Variants in AGXT observed in about 807,000 individuals in gnomAD.
AGXT encodes alanine--glyoxylate aminotransferase.
AGXT carries 41 observed loss-of-function variants against 46.9 expected under a neutral mutation model. The observed-to-expected ratio is 0.88, with a 90% CI of 0.68 to 1.14. The LOEUF is 1.14. AGXT is among the 50% of genes most tolerant of loss of function. The pLI is 0.00. For synonymous variants in AGXT, 244 were observed against 227.9 expected (o/e 1.07, Z -0.64); for missense variants, 525 against 522.7 (o/e 1.00, Z -0.04).
At chr2:240,869,402 C>T (rs755578184) in intron 2 of AGXT, 40 bp downstream of exon 2, 1 of 1,509,246 alleles carries the variant, frequency 6.6e-7, no homozygotes, top group Non-Finnish European at 8.9e-7. Context: ...CTGGATCCAT[C>T]CTTCAAGGCC....
chr2:240,871,523 C>A (rs1035634115), intron 4 of AGXT, 74 bp downstream of exon 4: 3 of 1,376,496 alleles, frequency 2.2e-6, no homozygotes, highest in African/African-American at 2.9e-5. Context: ...GGCACTGGTC[C>A]CTCTGGTCCT....
chr2:240,875,456 C>G (rs565927812), intron 7 of AGXT, among the ~76,000 whole-genome samples: 26 of 152,362 alleles, frequency 1.7e-4, no homozygotes, highest in Non-Finnish European at 3.2e-4. Flanking sequence ...ACTGTCCCCC[C>G]AGAGGTCCCA....
chr2:240,872,449 CAGG>C (rs1313097062), intron 4 of AGXT, among the ~76,000 whole-genome samples: 32 of 50,028 alleles, frequency 6.4e-4, no homozygotes, highest in African/African-American at 1.3e-3. Context: ...CGTGAACATG[CAGG>C]AGGAGGAGGG....
chr2:240,876,130 G>T (rs538272310), intron 8 of AGXT, 126 bp downstream of exon 8: 2 of 1,163,768 alleles, frequency 1.7e-6, no homozygotes, highest in Non-Finnish European at 2.5e-6. Context: ...GAGGCCCTCA[G>T]TGGGGGTGGG....
rs201989825 is a variant in AGXT, at chr2:240,869,042, G to T, written c.165+12G>T. On this transcript the variant is annotated intron_variant, in intron 1 of 10. Transcript: ENST00000307503. Reference sequence around the variant, plus strand: ...AGGATATGTACCAGGTAGGAGTGGGGGTCACTCGGGGGGCCTGGGTCTCAC... The same window carrying T: ...AGGATATGTACCAGGTAGGAGTGGGTGTCACTCGGGGGGCCTGGGTCTCAC... The T allele has an allele frequency of 1.6e-6, 2 of 1,250,712 alleles. No individual in the cohort carries two copies. Among genetic ancestry groups the T allele is most frequent in the African/African-American group, 1.7e-5 (1 of 58,986 alleles). 77.5% of individuals were successfully genotyped at this position (1,250,712 alleles called of 1,614,324 possible).
chr2:240,870,114 C>T (rs2058983609), intron 2 of AGXT, among the ~76,000 whole-genome samples: 1 of 152,164 alleles, frequency 6.6e-6, no homozygotes, highest in African/African-American at 2.4e-5. Context: ...GCAGGTTCTT[C>T]CCCTCCCACA....
In AGXT at chr2:240,875,980, G is replaced by C. The variant is rs146525143; in HGVS notation, c.822G>C (p.Glu274Asp). 4.8e-5 allele frequency: 77 copies of C among 1,614,074 alleles called. No homozygotes were observed. The highest frequency in any genetic ancestry group is 5.8e-5 in the Non-Finnish European group (69 of 1,180,040). Reference sequence around the variant, plus strand: ...TCATCAGCCTGTACAGCCTGAGAGAGAGCCTGGCCCTCATTGCGGAACAGG... The same window carrying C: ...TCATCAGCCTGTACAGCCTGAGAGACAGCCTGGCCCTCATTGCGGAACAGG... ...IPVISLYSLR[E>D]SLALIAEQGL... The change falls in exon 8 of 11, where the codon GAG (glutamate) becomes GAC (aspartate). Residue 274 changes from glutamate to aspartate, a missense_variant. Physicochemically the swap from Glu to Asp is conservative, Grantham distance 45. Transcript: ENST00000307503.
intron 5 of AGXT, 28 bp downstream of exon 5, chr2:240,873,077 C>A (rs1016601552): frequency 5.6e-6 from 9 of 1,592,946 alleles, no homozygotes; most frequent in South Asian, 4.4e-5. Context: ...GAGCCCTACC[C>A]AGCCCAAGCA....
At chr2:240,877,497 C>A in intron 8 of AGXT, 40 bp from the exon 9 acceptor site, 3 of 1,516,430 alleles carry the variant, frequency 2.0e-6, no homozygotes, top group Non-Finnish European at 2.7e-6. Context: ...CCTGCCCACC[C>A]CACCCATGTC....
rs376541242 is a variant in AGXT at position 240,878,014 on chromosome 2, T to C, written c.943-8T>C. ...TCACCCACGCACTGAGCCAGGCCCC[T>C]CCTGCAGGCGCTCCGGCTTCCCACA... On this transcript the variant is annotated splice_region_variant and splice_polypyrimidine_tract_variant and intron_variant, in intron 9 of 10. Transcript: ENST00000307503. 7 of 1,610,426 alleles carry C rather than the reference T, an allele frequency of 4.3e-6. No individual in the cohort carries two copies. The African/African-American group carries it at 9.3e-5, about 21-fold the overall frequency.
Position 240,869,274 on chromosome 2 carries a change from G to C in AGXT, c.270G>C (p.Leu90=), listed in dbSNP as rs2106427611. The C allele has an allele frequency of 6.2e-7, 1 of 1,613,742 alleles. No homozygotes were observed. Among genetic ancestry groups the C allele is most frequent in the Non-Finnish European group, 8.5e-7 (1 of 1,179,996 alleles). ...GACACTGTGCCCTGGAGGCCGCCCT[G>C]GTCAATGTGCTGGAGCCTGGGGACT... The part of the protein sequence containing the change: ...GSGHCALEAA[L]VNVLEPGDSF... Residue 90 remains leucine (L), a synonymous_variant, in exon 2 of 11, where the codon CTG becomes CTC. Transcript: ENST00000307503.
chr2:240,878,173 C>G, intron 10 of AGXT, 23 bp downstream of exon 10: 1 of 1,611,216 alleles, frequency 6.2e-7, no homozygotes, highest in Non-Finnish European at 8.5e-7. Flanking sequence ...GCCTCGAGGG[C>G]CTTTTGCAGA....
intron 8 of AGXT, chr2:240,877,113 G>T (rs904143079): frequency 3.9e-5 from 14 of 361,242 alleles, no homozygotes; most frequent in Non-Finnish European, 6.1e-5. Context: ...CAGAGCTGAG[G>T]CAGGAGCAGT....
chr2:240,872,260 A>G (rs1401693456), intron 4 of AGXT, among the ~76,000 whole-genome samples: 1 of 135,996 alleles, frequency 7.4e-6, no homozygotes, highest in African/African-American at 2.9e-5. Flanking sequence ...GTTCGTGAAC[A>G]TGCAGGAGGA....
Position 240,879,982 on chromosome 2 carries a change from C to G in AGXT, c.*1161C>G, listed in dbSNP as rs2059050029. The G allele has an allele frequency of 6.6e-6, 1 of 151,956 alleles. No individual in the cohort carries two copies. The highest frequency in any genetic ancestry group is 2.4e-5 in the African/African-American group (1 of 41,284). 9.4% of individuals were successfully genotyped at this position (151,956 alleles called of 1,614,324 possible). A position where few individuals can be genotyped will look rare whatever the true frequency, so the allele number is the denominator to read the frequency against. ...TCGTGGGCGCCGGTGTGTCTTGTTG[C>G]TGAGTGCCGTCCCGTCATATGGACA... On this transcript the variant is annotated 3_prime_UTR_variant, in exon 11 of 11. Transcript: ENST00000307503.
rs1238529964 is a variant in AGXT, at chr2:240,880,436, A to G, written c.*1615A>G. The G allele has an allele frequency of 6.6e-6, 1 of 151,784 alleles. No homozygotes were observed. The highest frequency in any genetic ancestry group is 2.4e-5 in the African/African-American group (1 of 41,294). 9.4% of individuals were successfully genotyped at this position (151,784 alleles called of 1,614,324 possible). On this transcript the variant is annotated 3_prime_UTR_variant, in exon 11 of 11. Coordinates refer to ENST00000307503, the MANE Select transcript of AGXT (RefSeq NM_000030.3). ...GTGTCAGTTCAAATATTTTGTTCATATTTGGATTTTTATCTTCTTATTGTC... is the reference window on the plus strand; with the variant it reads ...GTGTCAGTTCAAATATTTTGTTCATGTTTGGATTTTTATCTTCTTATTGTC...
chr2:240,874,097 G>A (rs1293635462), intron 6 of AGXT, 35 bp downstream of exon 6: 4 of 1,603,312 alleles, frequency 2.5e-6, no homozygotes, highest in Non-Finnish European at 3.4e-6. Flanking sequence ...TCTGTGCAGG[G>A]CTGGGCTTGC....
intron 6 of AGXT, among the ~76,000 whole-genome samples, chr2:240,874,790 T>C (rs551925921): frequency 6.6e-6 from 1 of 152,280 alleles, no homozygotes; most frequent in East Asian, 1.9e-4. Flanking sequence ...CAGTCACCTT[T>C]GGGTGATGTG....
rs1438290889 is a variant in AGXT, at chr2:240,878,801, T to G, written c.1159T>G (p.Cys387Gly). 22 of 1,594,160 alleles carry G rather than the reference T, an allele frequency of 1.4e-5. No individual in the cohort carries two copies. The highest frequency in any genetic ancestry group is 1.6e-5 in the Non-Finnish European group (19 of 1,173,470). ...GGCCCTGAGGGCGGCCCTGCAGCAC[T>G]GCCCCAAGAAGAAGCTGTGACCTGC... ...TEALRAALQH[C>G]PKKKL Residue 387 changes from cysteine to glycine, a missense_variant, in exon 11 of 11, where the codon TGC becomes GGC. Cys to Gly is a radical substitution (Grantham distance 159, BLOSUM62 -3). Coordinates refer to ENST00000307503, the MANE Select transcript of AGXT (RefSeq NM_000030.3).
Sources: allele counts gnomAD v4.1 joint callset (sites outside exome capture counted in the v4.1 genomes callset), GRCh38; gene constraint gnomAD v4.1.1; transcripts MANE v1.5; gene names NCBI Gene and HGNC (gene_info 2026-07-23, HGNC 2026-07-21).